Variants in SLC4A4 observed in about 807,000 individuals in gnomAD.
SLC4A4 encodes the protein electrogenic sodium bicarbonate cotransporter 1.
SLC4A4 carries 27 observed loss-of-function variants against 111.5 expected under a neutral mutation model. The ratio of observed to expected loss-of-function variants is 0.24; its 90% CI spans 0.18 to 0.33. SLC4A4 has a LOEUF of 0.33. SLC4A4 is among the 10% of genes least tolerant of loss of function. The pLI is 1.00. For synonymous variants in SLC4A4, 443 were observed against 463.4 expected, an observed-to-expected ratio of 0.96 and a Z score of 0.57; for missense variants, 909 against 1,315.5, an observed-to-expected ratio of 0.69 and a Z score of 4.78.
chr4:71,366,794 G>T (rs1269817232), intron 6 of SLC4A4, among the ~76,000 whole-genome samples: 1 of 152,158 alleles, frequency 6.6e-6, no homozygotes, highest in Non-Finnish European at 1.5e-5. Flanking sequence ...AGTTAAATTT[G>T]TGAAGTGAAA....
intron 6 of SLC4A4, among the ~76,000 whole-genome samples, chr4:71,359,171 T>C (rs942076015): frequency 6.6e-6 from 1 of 152,204 alleles, no homozygotes; most frequent in African/African-American, 2.4e-5. Flanking sequence ...AATGAGTTAA[T>C]ATCGCTCGCC....
intron 3 of SLC4A4, among the ~76,000 whole-genome samples, chr4:71,256,493 G>A (rs1181273860): frequency 6.6e-6 from 1 of 152,072 alleles, no homozygotes; most frequent in East Asian, 1.9e-4. Context: ...AAATACAGGT[G>A]GACCATCGAA....
intron 4 of SLC4A4, among the ~76,000 whole-genome samples, chr4:71,342,254 A>G (rs1728957303): frequency 6.6e-6 from 1 of 152,218 alleles, no homozygotes. Flanking sequence ...TGTAAAGTAA[A>G]ATTTTAGTTC....
At chr4:71,112,169 T>C (rs1449711004) in intron 2 of SLC4A4, among the ~76,000 whole-genome samples, 1 of 152,236 alleles carries the variant, frequency 6.6e-6, no homozygotes, top group Admixed American at 6.5e-5. Flanking sequence ...TTCTGCAATG[T>C]CTTCAAACAT....
rs1452260905 is a variant in SLC4A4, at chr4:71,555,227, A to G, written c.2763+19A>G. ...TGTGCAGGTAAGTTTTTGAATAGCA[A>G]TGTAAGTACAGTAGTGTTTTTCTAG... On this transcript the variant is annotated intron_variant, in intron 21 of 25. Coordinates refer to ENST00000264485, the MANE Select transcript of SLC4A4 (RefSeq NM_001098484.3). 7 of 1,505,968 alleles carry G rather than the reference A, an allele frequency of 4.6e-6. No homozygotes were observed. In the Admixed American group the frequency reaches 6.7e-5, roughly 14 times the overall value. 93.3% of individuals were successfully genotyped at this position (1,505,968 alleles called of 1,614,324 possible). A position where few individuals can be genotyped will look rare whatever the true frequency, so the allele number is the denominator to read the frequency against.
At chr4:71,137,312 A>G (rs1560738548) in intron 2 of SLC4A4, among the ~76,000 whole-genome samples, 1 of 152,134 alleles carries the variant, frequency 6.6e-6, no homozygotes, top group Non-Finnish European at 1.5e-5. Flanking sequence ...GTTCCTCAAG[A>G]GTCATCCTCC....
chr4:71,322,183 T>C (rs1727165628), intron 3 of SLC4A4, among the ~76,000 whole-genome samples: 2 of 152,014 alleles, frequency 1.3e-5, no homozygotes, highest in Admixed American at 1.3e-4. Context: ...CATGTAACAT[T>C]TCCTTGAGGC....
At chr4:71,243,239 G>A (rs1341756812) in intron 2 of SLC4A4, among the ~76,000 whole-genome samples, 1 of 152,170 alleles carries the variant, frequency 6.6e-6, no homozygotes, top group East Asian at 1.9e-4. Context: ...CATGCATATA[G>A]AAATGCATTT....
In SLC4A4 at chr4:71,170,065, C is replaced by T. The variant is rs114571570; in HGVS notation, c.-1-66511C>T. On this transcript the variant is annotated intron_variant, in intron 2 of 26. Transcript: ENST00000649996. ...TGCCTAGAGCACATTCCCCAACATG[C>T]TCTGCATGGCTGGATCCTTTAACGT... Among the ~76,000 whole-genome samples, 589 of 152,304 alleles carry T rather than the reference C, an allele frequency of 3.9e-3. 5 individuals carry two copies. Among genetic ancestry groups the T allele is most frequent in the African/African-American group, 0.013 (560 of 41,572 alleles).
chr4:71,296,894 G>T lies in SLC4A4; in HGVS notation c.253+41495G>T, dbSNP rs181316266. Among the ~76,000 whole-genome samples, 41 of 152,218 alleles carry T rather than the reference G, an allele frequency of 2.7e-4. No homozygotes were observed. The East Asian group carries it at 4.6e-3, about 17-fold the overall frequency. On this transcript the variant is annotated intron_variant, in intron 3 of 25. Coordinates refer to ENST00000264485, the MANE Select transcript of SLC4A4 (RefSeq NM_001098484.3). ...AGAACATAAGAAATTATCCTTCATT[G>T]GATATTAGTTCGTTCTCTCATCTGG... is the stretch of plus-strand genomic sequence containing the variant.
chr4:71,370,611 C>T (rs1242720257), intron 6 of SLC4A4, among the ~76,000 whole-genome samples: 1 of 152,094 alleles, frequency 6.6e-6, no homozygotes, highest in Admixed American at 6.5e-5. Flanking sequence ...GTTAATCTTA[C>T]CAACATAGGA....
intron 1 of SLC4A4, among the ~76,000 whole-genome samples, chr4:71,227,203 G>T (rs991708921): frequency 3.9e-5 from 6 of 152,160 alleles, no homozygotes; most frequent in African/African-American, 1.4e-4. Flanking sequence ...TGAAGAATGG[G>T]TTAACTAAGA....
At chr4:71,330,996 G>A (rs535382172) in intron 3 of SLC4A4, among the ~76,000 whole-genome samples, 2 of 152,216 alleles carry the variant, frequency 1.3e-5, no homozygotes, top group East Asian at 3.9e-4. Flanking sequence ...ATCATCACTG[G>A]CCCTCAGAGA....
intron 2 of SLC4A4, among the ~76,000 whole-genome samples, chr4:71,141,322 C>G (rs1743989707): frequency 6.6e-6 from 1 of 152,186 alleles, no homozygotes; most frequent in South Asian, 2.1e-4. Flanking sequence ...GCTTAAAACC[C>G]TTACATCACT....
intron 6 of SLC4A4, among the ~76,000 whole-genome samples, chr4:71,384,107 A>T (rs1452999787): frequency 6.6e-6 from 1 of 152,190 alleles, no homozygotes; most frequent in African/African-American, 2.4e-5. Flanking sequence ...TGTGGCTGTC[A>T]TAGCTCTGAA....
intron 6 of SLC4A4, among the ~76,000 whole-genome samples, chr4:71,372,761 A>G (rs1309221333): frequency 6.6e-6 from 1 of 151,898 alleles, no homozygotes; most frequent in South Asian, 2.1e-4. Context: ...GGTCCAGTTC[A>G]GTGTTTTGCT....
intron 6 of SLC4A4, among the ~76,000 whole-genome samples, chr4:71,394,684 A>G (rs147626939): frequency 6.6e-6 from 1 of 152,284 alleles, no homozygotes; most frequent in East Asian, 1.9e-4. Context: ...TCGAATGCCC[A>G]TCAGTCGACG....
chr4:71,568,129 A>G lies in SLC4A4; in HGVS notation c.*378A>G. 1 of 397,416 alleles carries G rather than the reference A, an allele frequency of 2.5e-6. No individual in the cohort carries two copies. Among genetic ancestry groups the G allele is most frequent in the South Asian group, 3.0e-5 (1 of 33,122 alleles). 24.6% of individuals were successfully genotyped at this position (397,416 alleles called of 1,614,324 possible). A position where few individuals can be genotyped will look rare whatever the true frequency, so the allele number is the denominator to read the frequency against. ...CTTAAACTTTCAGATGTGTCCTTTG[A>G]TAACCAAATTCTGTCACTCAAGACA... On this transcript the variant is annotated 3_prime_UTR_variant, in exon 26 of 26. Transcript: ENST00000264485.
chr4:71,334,211 G>A (rs1578859366), intron 3 of SLC4A4, among the ~76,000 whole-genome samples: 1 of 152,156 alleles, frequency 6.6e-6, no homozygotes, highest in East Asian at 1.9e-4. Context: ...AAAGCCCAAG[G>A]TCTCTTAGTC....
Sources: gnomAD v4.1 joint callset for allele counts (sites outside exome capture counted in the v4.1 genomes callset) on GRCh38, gnomAD v4.1.1 for gene constraint, MANE v1.5 for transcripts, NCBI Gene and HGNC (gene_info 2026-07-23, HGNC 2026-07-21) for gene names.